FBN3: variants seen among roughly 807,000 people sequenced by gnomAD.
FBN3 encodes fibrillin 3.
FBN3 carries 234 observed loss-of-function variants against 330.1 expected under a neutral mutation model. The observed-to-expected ratio is 0.71, with a 90% confidence interval of 0.64 to 0.79. The LOEUF is 0.79. Among genes scored for constraint, FBN3 ranks in the 30% least tolerant of loss-of-function variants. FBN3 has a pLI of 0.00. For synonymous variants in FBN3, 1,458 were observed against 1,517.3 expected (o/e 0.96, Z 0.91); for missense variants, 3,606 against 3,886.9 (o/e 0.93, Z 1.92).
In FBN3 at chr19:8,135,977, G is replaced by A. The variant is rs80125054; in HGVS notation, c.1575C>T (p.Asp525=). 8,004 of 1,163,876 alleles carry A rather than the reference G, an allele frequency of 6.9e-3. 314 individuals are homozygous for A. In the African/African-American group the frequency reaches 0.12, roughly 18 times the overall value. The allele number at this position is 1,163,876 out of a possible 1,614,324, so 72.1% of individuals were successfully genotyped here. ...CCAACTCACCCACACAGTTCTTGCC[G>A]TCAGGGCTGAGCTCGAAGCCTGCAT... The part of the protein sequence containing the change: ...VCNAGFELSP[D]GKNCVDHNEC... Residue 525 remains aspartate, a synonymous_variant, in exon 13 of 64, where the codon GAC becomes GAT. Coordinates refer to ENST00000600128, the MANE Select transcript of FBN3 (RefSeq NM_032447.5).
intron 48 of FBN3, among the ~76,000 whole-genome samples, chr19:8,091,004 C>T (rs1488600695): frequency 6.6e-6 from 1 of 152,168 alleles, no homozygotes; most frequent in African/African-American, 2.4e-5. Flanking sequence ...GGGGTCCCAG[C>T]CTCCCAGAAC....
At chr19:8,102,227 T>TA (rs1195566611) in intron 40 of FBN3, among the ~76,000 whole-genome samples, 7 of 151,810 alleles carry the variant, frequency 4.6e-5, no homozygotes, top group Non-Finnish European at 2.9e-5. Flanking sequence ...TTTTTATTTT[T>TA]TTTTTGAGAT....
intron 22 of FBN3, among the ~76,000 whole-genome samples, chr19:8,124,839 A>G (rs1164168641): frequency 6.6e-6 from 1 of 152,208 alleles, no homozygotes. Flanking sequence ...CCCGGCCACT[A>G]AGGATTTTTA....
In FBN3 at chr19:8,123,452, G is replaced by C. The variant is rs1326376535; in HGVS notation, c.3082+12C>G. The C allele has an allele frequency of 1.3e-5, 21 of 1,612,916 alleles. No individual in the cohort carries two copies. The highest frequency in any genetic ancestry group is 1.7e-5 in the Non-Finnish European group (20 of 1,179,248). On this transcript the variant is annotated intron_variant, in intron 24 of 63. Transcript: ENST00000600128. Reference sequence around the variant, plus strand: ...GATCACGCTCTCTCCAAGAGGCAGAGGTGGCACCTACCTGTGCAGTTCCGT... The same window carrying C: ...GATCACGCTCTCTCCAAGAGGCAGACGTGGCACCTACCTGTGCAGTTCCGT...
chr19:8,087,034 C>A, intron 54 of FBN3, 43 bp downstream of exon 54: 1 of 1,586,052 alleles, frequency 6.3e-7, no homozygotes, highest in Non-Finnish European at 8.5e-7. Context: ...CTCTCCCTTC[C>A]ACAAGGAGTT....
chr19:8,076,224 C>T (rs2081635734), intron 59 of FBN3, among the ~76,000 whole-genome samples: 1 of 143,940 alleles, frequency 6.9e-6, no homozygotes, highest in Admixed American at 7.0e-5. Context: ...TTTAAGCCAA[C>T]CAGTGTATGG....
chr19:8,109,652 G>C lies in FBN3; in HGVS notation c.4435C>G (p.Pro1479Ala). 1 of 1,591,628 alleles carries C rather than the reference G, an allele frequency of 6.3e-7. No individual in the cohort carries two copies. Among genetic ancestry groups the C allele is most frequent in the Middle Eastern group, 1.7e-4 (1 of 5,970 alleles). ...TCACCCACGCAGCCCACTCCGCTGG[G>C]GTTCAGCTCAAAATCCTGGGGGCAG... ...CSCPQDFELN[P>A]SGVGCVDTRA... The change falls in exon 35 of 64, where the codon CCC becomes GCC. Residue 1479 changes from proline to alanine, a missense_variant. By Grantham distance (27) the Pro-to-Ala change is conservative. Coordinates refer to ENST00000600128, the MANE Select transcript of FBN3 (RefSeq NM_032447.5). This position sits in a 1 kb window ranked among gnomAD's most constrained non-coding sequence, Gnocchi z 5.2.
intron 59 of FBN3, among the ~76,000 whole-genome samples, chr19:8,076,410 C>T (rs1482232180): frequency 1.3e-5 from 2 of 151,970 alleles, no homozygotes; most frequent in African/African-American, 2.4e-5. Flanking sequence ...AGGGAGCCTC[C>T]GGATCACCTG....
At position 8,102,714 on chromosome 19, in the gene FBN3, G is replaced by C; in HGVS notation, c.5089+10C>G. 1.9e-6 allele frequency: 3 copies of C among 1,607,938 alleles called. No individual in the cohort carries two copies. The highest frequency in any genetic ancestry group is 2.6e-6 in the Non-Finnish European group (3 of 1,175,510). On this transcript the variant is annotated intron_variant, in intron 40 of 63. Coordinates refer to ENST00000600128, the MANE Select transcript of FBN3 (RefSeq NM_032447.5). ...CCAGGCTGGGAAGAAGGTTGGGGAGGGTTACTCACGACTGATGGGAGTGGG... is the reference window on the plus strand; with the variant it reads ...CCAGGCTGGGAAGAAGGTTGGGGAGCGTTACTCACGACTGATGGGAGTGGG...
rs1355859813 is a variant in FBN3, at chr19:8,111,749, T to C, written c.3983A>G (p.Gln1328Arg). ...ECHDLDECVSQEHRCSPRGDC... is the reference protein window; with the variant it reads ...ECHDLDECVSREHRCSPRGDC... ...ACCTCTTGGGCTGCACCGGTGCTCC[T>C]GGGAGACGCATTCATCCAGGTCTGC... is the stretch of plus-strand genomic sequence containing the variant. Residue 1328 changes from glutamine to arginine, a missense_variant, in exon 32 of 64, where the codon CAG becomes CGG. Coordinates refer to ENST00000600128, the MANE Select transcript of FBN3 (RefSeq NM_032447.5). 6.2e-7 allele frequency: 1 copy of C among 1,612,574 alleles called. No homozygotes were observed. The highest frequency in any genetic ancestry group is 1.1e-5 in the South Asian group (1 of 91,032).
At chr19:8,086,131 G>C (rs1338886630) in intron 55 of FBN3, 69 bp downstream of exon 55, 4 of 1,212,036 alleles carry the variant, frequency 3.3e-6, no homozygotes, top group African/African-American at 1.8e-5. Flanking sequence ...ACAGGCAGTG[G>C]GGGGGGACAG....
rs114822106 is a variant in FBN3, at chr19:8,074,204, G to A, written c.7702+867C>T. ...AAGAATGAATGAGTCAGTACGGGGG[G>A]AGGAAACAAGTTGAGGAAGAGTTGC... On this transcript the variant is annotated intron_variant, in intron 61 of 63. Coordinates refer to ENST00000600128, the MANE Select transcript of FBN3 (RefSeq NM_032447.5). Among the ~76,000 whole-genome samples the A allele has an allele frequency of 5.7e-3, 868 of 152,230 alleles. 9 individuals carry two copies. Among genetic ancestry groups the A allele is most frequent in the African/African-American group, 0.02 (838 of 41,518 alleles).
At chr19:8,084,488 A>G (rs956487765) in intron 56 of FBN3, among the ~76,000 whole-genome samples, 1 of 151,880 alleles carries the variant, frequency 6.6e-6, no homozygotes, top group African/African-American at 2.4e-5. Context: ...CCTGGCCAGC[A>G]TGGCAAAACC....
intron 30 of FBN3, among the ~76,000 whole-genome samples, chr19:8,114,522 A>G (rs11883071): frequency 0.038 from 5,840 of 152,182 alleles, 381 homozygotes; most frequent in African/African-American, 0.13. Flanking sequence ...TGCTGGGATT[A>G]CAGGTGTGAG....
chr19:8,118,325 T>C (rs1174377201), intron 26 of FBN3, among the ~76,000 whole-genome samples: 1 of 151,926 alleles, frequency 6.6e-6, no homozygotes, highest in Non-Finnish European at 1.5e-5. Context: ...CCAGGCATAG[T>C]GGCGCATGCC....
intron 56 of FBN3, among the ~76,000 whole-genome samples, chr19:8,084,109 T>C (rs1387728218): frequency 6.6e-6 from 1 of 151,668 alleles, no homozygotes; most frequent in African/African-American, 2.4e-5. Context: ...TCCCCAGTCC[T>C]GTTGATGCCA....
intron 6 of FBN3, among the ~76,000 whole-genome samples, chr19:8,143,819 C>CTTTCTT: frequency 8.5e-6 from 1 of 117,632 alleles, no homozygotes; most frequent in African/African-American, 3.0e-5. Context: ...TTCTTTCTTT[C>CTTTCTT]TTTTTTTTTT....
chr19:8,096,079 G>C lies in FBN3; in HGVS notation c.5541C>G (p.Asp1847Glu). Residue 1847 changes from aspartate (D) to glutamate (E), a missense_variant and splice_region_variant, in exon 45 of 64, where the codon GAC becomes GAG. Physicochemically the swap from Asp to Glu is conservative, Grantham distance 45. Coordinates refer to ENST00000600128, the MANE Select transcript of FBN3 (RefSeq NM_032447.5). This position sits in a 1 kb window ranked among gnomAD's most constrained non-coding sequence, Gnocchi z 4.6. Reference protein sequence around the residue: ...QASADQTLCMDIDECDRQPCG... With the variant: ...QASADQTLCMEIDECDRQPCG... ...AAGGCTGCCGGTCACACTCGTCAAT[G>C]TCTGCAGAAGCAAAGCCGAGAGCCC... The C allele has an allele frequency of 3.1e-6, 5 of 1,612,178 alleles. No individual in the cohort carries two copies. Among genetic ancestry groups the C allele is most frequent in the Non-Finnish European group, 4.2e-6 (5 of 1,178,356 alleles).
In FBN3 at chr19:8,116,767, A is replaced by T; in HGVS notation, c.3619T>A (p.Cys1207Ser). The change falls in exon 29 of 64, where the codon TGT becomes AGT. Residue 1207 changes from cysteine (C) to serine (S), a missense_variant. Physicochemically the swap from Cys to Ser is moderately radical, Grantham distance 112. Transcript: ENST00000600128. The stretch of plus-strand genomic sequence containing the variant: ...ATGTTGGTGCAGTGGCCTTGGTCAC[A>T]AACGCGGGGGTTCTCTTCACACTCG... ...VDECEENPRV[C>S]DQGHCTNMPG... 1 of 1,614,074 alleles carries T rather than the reference A, an allele frequency of 6.2e-7. No homozygotes were observed. The highest frequency in any genetic ancestry group is 8.5e-7 in the Non-Finnish European group (1 of 1,179,980).
Sources: allele counts gnomAD v4.1 joint callset (sites outside exome capture counted in the v4.1 genomes callset), GRCh38; gene constraint gnomAD v4.1.1; non-coding constraint Gnocchi (gnomAD v3.1); transcripts MANE v1.5; gene names NCBI Gene and HGNC (gene_info 2026-07-23, HGNC 2026-07-21).